The following MTMR10 variants were observed in gnomAD, a reference collection of about 807,000 sequenced individuals.
The protein encoded by MTMR10 is myotubularin-related protein 10.
In MTMR10, 56 loss-of-function variants were observed where a neutral mutation model predicts 88.1. That is an observed-to-expected ratio of 0.64 (90% CI 0.51 to 0.79). The LOEUF (loss-of-function observed/expected upper bound fraction) is 0.79. Ranked by LOEUF, MTMR10 falls within the 30% of genes least tolerant of loss-of-function variation. The pLI is 0.00. For missense variants in MTMR10, 883 were observed against 924.7 expected (o/e 0.95, Z 0.58); for synonymous variants, 380 against 340.9 (o/e 1.11, Z -1.26).
intron 15 of MTMR10, chr15:30,942,662 C>T (rs2063093225): frequency 4.1e-6 from 2 of 491,022 alleles, no homozygotes; most frequent in East Asian, 3.2e-5. Context: ...GGCTTGCAGG[C>T]TCAAAGCTGC....
chr15:30,942,798 G>A, intron 15 of MTMR10, 92 bp downstream of exon 15: 1 of 1,296,272 alleles, frequency 7.7e-7, no homozygotes. Context: ...TGTTACTCTT[G>A]GAAGTGCCTT....
rs1311940530 is a variant in MTMR10, at chr15:30,958,815, C to T, written c.935+48G>A. 3.8e-6 allele frequency: 6 copies of T among 1,575,090 alleles called. No homozygotes were observed. In the African/African-American group the frequency reaches 8.1e-5, roughly 21 times the overall value. On this transcript the variant is annotated intron_variant, in intron 9 of 15. Transcript: ENST00000435680. ...ATTAGTAGGGAACTCACTGTAGTTA[C>T]ACAACAAGTAAAACTATCTAAAGTG...
rs1052942660 is a variant in MTMR10, at chr15:30,940,165, A to C, written c.*1305T>G. ...TCAAATTTGAAAGTATCCATGTTTT[A>C]AGCGGGGAATGAGGAGTGTGGGGGA... On this transcript the variant is annotated 3_prime_UTR_variant, in exon 16 of 16. Coordinates refer to ENST00000435680, the MANE Select transcript of MTMR10 (RefSeq NM_017762.3). 10 of 985,356 alleles carry C rather than the reference A, an allele frequency of 1.0e-5. No homozygotes were observed. The highest frequency in any genetic ancestry group is 5.2e-5 in the African/African-American group (3 of 57,250). The allele number at this position is 985,356 out of a possible 1,614,324, so 61.0% of individuals were successfully genotyped here. A position where few individuals can be genotyped will look rare whatever the true frequency, so the allele number is the denominator to read the frequency against.
chr15:30,984,349 T>A (rs1275428020), intron 2 of MTMR10, among the ~76,000 whole-genome samples: 1 of 152,204 alleles, frequency 6.6e-6, no homozygotes, highest in East Asian at 1.9e-4. Flanking sequence ...ATAAAGCTAA[T>A]GCTAAGATAG....
the MTMR10 span, among the ~76,000 whole-genome samples, chr15:30,921,732 C>CA: frequency 6.6e-6 from 1 of 152,186 alleles, no homozygotes; most frequent in Non-Finnish European, 1.5e-5. Context: ...AGAAGATTAA[C>CA]AAACAGAATG....
Position 30,939,532 on chromosome 15 carries a change from A to AAAAT in MTMR10, c.*1934_*1937dup, listed in dbSNP as rs2062967239. 1 of 976,976 alleles carries AAAAT rather than the reference A, an allele frequency of 1.0e-6. No individual in the cohort carries two copies. The highest frequency in any genetic ancestry group is 1.8e-5 in the African/African-American group (1 of 57,048). The allele number at this position is 976,976 out of a possible 1,614,324, so 60.5% of individuals were successfully genotyped here. The stretch of plus-strand genomic sequence containing the variant: ...ATCATGATATAACAACTGTCCAGCA[A>AAAAT]AAATAAAAGTATTTTACATTTGATT... On this transcript the variant is annotated 3_prime_UTR_variant, in exon 16 of 16. Coordinates refer to ENST00000435680, the MANE Select transcript of MTMR10 (RefSeq NM_017762.3).
chr15:30,979,411 T>A (rs929007718), intron 2 of MTMR10, among the ~76,000 whole-genome samples: 8 of 150,118 alleles, frequency 5.3e-5, no homozygotes, highest in African/African-American at 1.7e-4. Context: ...AAAAAAAAAA[T>A]TTAGCCAGGC....
chr15:30,975,045 A>G (rs374757210), intron 3 of MTMR10, 42 bp from the exon 4 acceptor site: 72 of 1,365,226 alleles, frequency 5.3e-5, no homozygotes, highest in Non-Finnish European at 7.1e-5. Flanking sequence ...TTTTCCCAAT[A>G]ATCTCACAAT....
At chr15:30,955,015 A>G in intron 9 of MTMR10, 122 bp from the exon 10 acceptor site, 1 of 811,288 alleles carries the variant, frequency 1.2e-6, no homozygotes, top group South Asian at 3.5e-5. Flanking sequence ...GCCTTCATGG[A>G]GTTTACTTTT....
chr15:30,950,537 G>A lies in MTMR10; in HGVS notation c.1207+1431C>T, dbSNP rs796685287. Among the ~76,000 whole-genome samples the A allele has an allele frequency of 5.9e-5, 9 of 152,220 alleles. 1 individual carries two copies. The highest frequency in any genetic ancestry group is 1.9e-4 in the African/African-American group (8 of 41,548). On this transcript the variant is annotated intron_variant, in intron 12 of 15. Coordinates refer to ENST00000435680, the MANE Select transcript of MTMR10 (RefSeq NM_017762.3). ...ATACAAAAATTAGCCGGGCGTGGTGGTGCATGCTTGTAATCCCAGCTACTT... is the reference window on the plus strand; with the variant it reads ...ATACAAAAATTAGCCGGGCGTGGTGATGCATGCTTGTAATCCCAGCTACTT...
the MTMR10 span, among the ~76,000 whole-genome samples, chr15:30,933,628 A>G: frequency 1.3e-5 from 2 of 152,292 alleles, no homozygotes; most frequent in South Asian, 2.1e-4. Context: ...TTAAATGTCA[A>G]TTAGGTCAAG....
intron 7 of MTMR10, among the ~76,000 whole-genome samples, chr15:30,959,339 A>G (rs779045071): frequency 1.4e-4 from 22 of 152,242 alleles, no homozygotes; most frequent in Non-Finnish European, 2.2e-4. Context: ...AATTTATAGC[A>G]TGAGAAAATT....
intron 7 of MTMR10, among the ~76,000 whole-genome samples, chr15:30,960,053 A>G (rs144654828): frequency 5.4e-4 from 82 of 152,344 alleles, no homozygotes; most frequent in African/African-American, 1.9e-3. Context: ...ACAGGGCACT[A>G]AAGAGCTGGT....
rs1419139803 is a variant in MTMR10, at chr15:30,940,963, C to A, written c.*507G>T. 4.6e-6 allele frequency: 5 copies of A among 1,094,578 alleles called. No individual in the cohort carries two copies. The highest frequency in any genetic ancestry group is 4.5e-6 in the Non-Finnish European group (4 of 893,470). The allele number at this position is 1,094,578 out of a possible 1,614,324, so 67.8% of individuals were successfully genotyped here. A position where few individuals can be genotyped will look rare whatever the true frequency, so the allele number is the denominator to read the frequency against. On this transcript the variant is annotated 3_prime_UTR_variant, in exon 16 of 16. Transcript: ENST00000435680. Reference sequence around the variant, plus strand: ...GGTTCCAAAGAAGGTGATCTAAAATCATAAATTCTGGCCCCAGAACACTGA... The same window carrying A: ...GGTTCCAAAGAAGGTGATCTAAAATAATAAATTCTGGCCCCAGAACACTGA...
chr15:30,954,637 A>G (rs34294266), intron 10 of MTMR10, 126 bp downstream of exon 10: 297,570 of 980,964 alleles, frequency 0.3, 48,197 homozygotes, highest in Non-Finnish European at 0.33. Flanking sequence ...TATAATTTGT[A>G]CAAATAGTTC....
At chr15:30,946,025 GC>G (rs1382674397) in intron 14 of MTMR10, among the ~76,000 whole-genome samples, 1 of 152,174 alleles carries the variant, frequency 6.6e-6, no homozygotes, top group South Asian at 2.1e-4. Flanking sequence ...CCCAAAAGTG[GC>G]AATGCTGGAC....
At chr15:30,926,063 G>A in the MTMR10 span, 1 of 981,766 alleles carries the variant, frequency 1.0e-6, no homozygotes, top group Non-Finnish European at 1.5e-6. Context: ...AAGATGCTGT[G>A]GGCTGGGGGA....
chr15:30,983,117 G>C (rs1050775178), intron 2 of MTMR10, among the ~76,000 whole-genome samples: 2 of 152,188 alleles, frequency 1.3e-5, no homozygotes, highest in African/African-American at 4.8e-5. Flanking sequence ...GCTAGAGACG[G>C]CTGGCTGGCC....
In MTMR10 at chr15:30,989,576, T is replaced by C. The variant is rs1157790223; in HGVS notation, c.121+1201A>G. Among the ~76,000 whole-genome samples the C allele has an allele frequency of 2.0e-5, 3 of 150,014 alleles. No individual in the cohort carries two copies. In the East Asian group the frequency reaches 5.8e-4, roughly 29 times the overall value. ...TGATAGTAGCCACACAAACTAGTATTTGATTTCAGGTTTTTTTTTTTTTTG... is the reference window on the plus strand; with the variant it reads ...TGATAGTAGCCACACAAACTAGTATCTGATTTCAGGTTTTTTTTTTTTTTG... On this transcript the variant is annotated intron_variant, in intron 2 of 15. Coordinates refer to ENST00000435680, the MANE Select transcript of MTMR10 (RefSeq NM_017762.3).
Sources: gnomAD v4.1 joint callset for allele counts (sites outside exome capture counted in the v4.1 genomes callset) on GRCh38, gnomAD v4.1.1 for gene constraint, MANE v1.5 for transcripts, NCBI Gene and HGNC (gene_info 2026-07-23, HGNC 2026-07-21) for gene names.